Variants in STIL observed in about 807,000 individuals in gnomAD.
STIL encodes STIL centriolar assembly protein, also known as SCL-interrupting locus protein.
Under a neutral mutation model 110.1 loss-of-function variants are expected in STIL, and 55 were observed. That is an observed-to-expected ratio of 0.50 (90% confidence interval 0.40 to 0.63). STIL has a LOEUF of 0.63. STIL is among the 20% of genes least tolerant of loss of function. STIL has a pLI of 0.00. For synonymous variants in STIL, 481 were observed against 530.0 expected (o/e 0.91, Z 1.27); for missense variants, 1,358 against 1,530.0 (o/e 0.89, Z 1.87).
chr1:47,314,524 T>G (rs1284496758), upstream of STIL, among the ~76,000 whole-genome samples: 16 of 152,250 alleles, frequency 1.1e-4, no homozygotes, highest in Admixed American at 1.0e-3. Context: ...GGTCGGCGAC[T>G]GGAAGCGGAC....
In STIL at chr1:47,250,868, G is replaced by C. The variant is rs138887991; in HGVS notation, c.*268C>G. On this transcript the variant is annotated 3_prime_UTR_variant, in exon 17 of 17. Transcript: ENST00000371877. ...AGCAGTTGAGACTTAGAGCTGGATA[G>C]TATCTGTCTACTACTTAAACTTGTA... 235 of 414,524 alleles carry C rather than the reference G, an allele frequency of 5.7e-4. No individual in the cohort carries two copies. The highest frequency in any genetic ancestry group is 4.3e-3 in the African/African-American group (213 of 49,814). 25.7% of individuals were successfully genotyped at this position (414,524 alleles called of 1,614,324 possible). A position where few individuals can be genotyped will look rare whatever the true frequency, so the allele number is the denominator to read the frequency against.
chr1:47,309,149 T>C (rs1389668259), intron 2 of STIL, among the ~76,000 whole-genome samples: 1 of 152,176 alleles, frequency 6.6e-6, no homozygotes, highest in Non-Finnish European at 1.5e-5. Context: ...CTATTTCCCA[T>C]ATGTGATTAT....
chr1:47,270,249 TATATATACACACACACAC>T (rs1435902478), intron 13 of STIL, among the ~76,000 whole-genome samples: 8 of 75,198 alleles, frequency 1.1e-4, no homozygotes, highest in African/African-American at 3.6e-4. Context: ...AAAATATATA[TATATATACACACACACAC>T]ACACACACAC....
chr1:47,269,785 C>T lies in STIL; in HGVS notation c.2465G>A (p.Ser822Asn), dbSNP rs1644764978. 2 of 1,614,178 alleles carry T rather than the reference C, an allele frequency of 1.2e-6. No individual in the cohort carries two copies. The highest frequency in any genetic ancestry group is 1.3e-5 in the African/African-American group (1 of 75,054). Reference sequence around the variant, plus strand: ...ATCGACAGAAAAATTCATGTCCTCACTGGAAATTTTGGTATCATCTTGCTT... The same window carrying T: ...ATCGACAGAAAAATTCATGTCCTCATTGGAAATTTTGGTATCATCTTGCTT... ...QMKQDDTKIS[S>N]EDMNFSVDIN... Residue 822 changes from serine to asparagine, a missense_variant, in exon 14 of 17, where the codon AGT (serine) becomes AAT (asparagine). By Grantham distance (46) the Ser-to-Asn change is conservative. Transcript: ENST00000371877.
At chr1:47,290,277 CTGTT>C (rs1377193614) in intron 8 of STIL, among the ~76,000 whole-genome samples, 2 of 152,148 alleles carry the variant, frequency 1.3e-5, no homozygotes, top group Non-Finnish European at 2.9e-5. Flanking sequence ...AACAGTAAGT[CTGTT>C]TGGGAAAAAT....
intron 10 of STIL, chr1:47,283,062 A>AG (rs1645194793): frequency 6.5e-6 from 1 of 152,862 alleles, no homozygotes; most frequent in African/African-American, 2.4e-5. Flanking sequence ...TTGGAATACT[A>AG]TATGCATCAG....
intron 6 of STIL, among the ~76,000 whole-genome samples, chr1:47,297,626 G>C (rs1645679883): frequency 6.6e-6 from 1 of 151,806 alleles, no homozygotes; most frequent in Non-Finnish European, 1.5e-5. Context: ...GTCCTAGCTG[G>C]AGAGCAGTGG....
intron 9 of STIL, among the ~76,000 whole-genome samples, chr1:47,288,153 G>C (rs1326988058): frequency 6.7e-6 from 1 of 150,212 alleles, no homozygotes; most frequent in Non-Finnish European, 1.5e-5. Context: ...GATCTGAGTG[G>C]ACACGTGGTT....
intron 15 of STIL, among the ~76,000 whole-genome samples, chr1:47,262,185 T>A (rs774517439): frequency 1.3e-5 from 2 of 152,166 alleles, no homozygotes; most frequent in Non-Finnish European, 2.9e-5. Context: ...AACAAATATG[T>A]GTTCATTGAT....
intron 16 of STIL, among the ~76,000 whole-genome samples, chr1:47,257,415 A>G (rs1283685638): frequency 6.6e-6 from 1 of 152,210 alleles, no homozygotes; most frequent in African/African-American, 2.4e-5. Context: ...GATTGGCTTC[A>G]GCCCAGGAGT....
At chr1:47,306,889 T>C (rs1320213487) in intron 2 of STIL, among the ~76,000 whole-genome samples, 1 of 152,186 alleles carries the variant, frequency 6.6e-6, no homozygotes, top group African/African-American at 2.4e-5. Flanking sequence ...GCCTGGTGGC[T>C]CACACCTATG....
At chr1:47,298,735 T>G (rs929078078) in intron 6 of STIL, among the ~76,000 whole-genome samples, 5 of 151,870 alleles carry the variant, frequency 3.3e-5, no homozygotes, top group South Asian at 2.1e-4. Context: ...TCAACCAATT[T>G]GTTTTTTTTT....
chr1:47,291,579 T>TA lies in STIL; in HGVS notation c.872+1878_872+1879insT, dbSNP rs567730616. 7.4e-3 allele frequency among the ~76,000 whole-genome samples: 1,126 copies of TA among 152,080 alleles called. 15 individuals are homozygous for TA. Among genetic ancestry groups the TA allele is most frequent in the African/African-American group, 0.025 (1,054 of 41,508 alleles). On this transcript the variant is annotated intron_variant, in intron 8 of 16. Transcript: ENST00000371877. The stretch of plus-strand genomic sequence containing the variant: ...CCTGTCTCTGCAGGACTATTTTATT[T>TA]TTTATTTATTTATTTATTTTTTGTT...
chr1:47,264,856 G>T (rs540084979), intron 14 of STIL, among the ~76,000 whole-genome samples: 2 of 147,994 alleles, frequency 1.4e-5, no homozygotes, highest in South Asian at 4.3e-4. Flanking sequence ...TGTTGGGATC[G>T]ACAGAGTTAA....
At chr1:47,289,628 C>T in intron 8 of STIL, 43 bp from the exon 9 acceptor site, 1 of 1,525,218 alleles carries the variant, frequency 6.6e-7, no homozygotes, top group African/African-American at 1.4e-5. Flanking sequence ...ATGAGGATAA[C>T]ATGATGACAC....
At chr1:47,293,420 G>A in intron 8 of STIL, 38 bp downstream of exon 8, 1 of 1,526,706 alleles carries the variant, frequency 6.6e-7, no homozygotes, top group Non-Finnish European at 9.1e-7. Context: ...TGGGGGAAAG[G>A]ATCGAAATAA....
intron 14 of STIL, among the ~76,000 whole-genome samples, chr1:47,265,260 A>AAAAAAAAAAAAAT (rs1553170532): frequency 6.7e-6 from 1 of 148,320 alleles, no homozygotes; most frequent in Non-Finnish European, 1.5e-5. Context: ...AAAAAAAAAA[A>AAAAAAAAAAAAAT]CACAAGATTG....
intron 8 of STIL, 61 bp from the exon 9 acceptor site, chr1:47,289,646 A>C: frequency 6.9e-7 from 1 of 1,458,190 alleles, no homozygotes; most frequent in Non-Finnish European, 9.6e-7. Context: ...CACTCAAATA[A>C]CTTCATGTGA....
intron 8 of STIL, among the ~76,000 whole-genome samples, chr1:47,290,314 C>G (rs181174540): frequency 1.3e-5 from 2 of 152,144 alleles, no homozygotes; most frequent in Middle Eastern, 3.2e-3. Flanking sequence ...AAATGACAAT[C>G]TGGGGGGAAA....
Sources: allele counts gnomAD v4.1 joint callset (sites outside exome capture counted in the v4.1 genomes callset), GRCh38; gene constraint gnomAD v4.1.1; transcripts MANE v1.5; gene names NCBI Gene and HGNC (gene_info 2026-07-23, HGNC 2026-07-21).